BICD1: variants seen among roughly 807,000 people sequenced by gnomAD.
The protein encoded by BICD1 is protein bicaudal D homolog 1.
A neutral mutation model predicts 92.5 loss-of-function variants in BICD1; 35 were observed. That is an observed-to-expected ratio of 0.38 (90% CI 0.29 to 0.50). The LOEUF (loss-of-function observed/expected upper bound fraction) is 0.50. Among genes scored for constraint, BICD1 ranks in the 20% least tolerant of loss-of-function variants. The pLI is 0.93. For synonymous variants in BICD1, 429 were observed against 465.1 expected (o/e 0.92, Z 1.00); for missense variants, 950 against 1,189.8 (o/e 0.80, Z 2.97).
intron 2 of BICD1, among the ~76,000 whole-genome samples, chr12:32,219,177 C>G (rs748615749): frequency 2.0e-5 from 3 of 152,124 alleles, no homozygotes; most frequent in Admixed American, 1.3e-4. Context: ...GATGCTGTGT[C>G]TCTAAGAACT....
intron 1 of BICD1, among the ~76,000 whole-genome samples, chr12:32,145,927 C>G (rs1565545825): frequency 6.6e-6 from 1 of 152,142 alleles, no homozygotes; most frequent in Non-Finnish European, 1.5e-5. Flanking sequence ...CAAGTGTTTA[C>G]TGAGCATCTA....
intron 8 of BICD1, among the ~76,000 whole-genome samples, chr12:32,349,064 T>C (rs1938757650): frequency 6.6e-6 from 1 of 152,098 alleles, no homozygotes; most frequent in Non-Finnish European, 1.5e-5. Context: ...AGTTGGGTGC[T>C]GAACAATCTA....
intron 8 of BICD1, among the ~76,000 whole-genome samples, chr12:32,366,746 A>AT (rs1939538596): frequency 6.6e-6 from 1 of 152,242 alleles, no homozygotes; most frequent in Admixed American, 6.5e-5. Flanking sequence ...TTTAAGAATA[A>AT]TTTTTAAGTT....
intron 2 of BICD1, among the ~76,000 whole-genome samples, chr12:32,274,925 T>C (rs1439697676): frequency 6.6e-6 from 1 of 152,206 alleles, no homozygotes; most frequent in Non-Finnish European, 1.5e-5. Flanking sequence ...AGGATTGCTA[T>C]GTAGGCTAAA....
chr12:32,306,847 G>A (rs936006126), intron 4 of BICD1, among the ~76,000 whole-genome samples: 1 of 151,270 alleles, frequency 6.6e-6, no homozygotes, highest in Non-Finnish European at 1.5e-5. Flanking sequence ...AAACCCCATC[G>A]CTACTAAAAA....
intron 2 of BICD1, among the ~76,000 whole-genome samples, chr12:32,219,454 G>A (rs527844970): frequency 3.9e-5 from 6 of 152,054 alleles, no homozygotes; most frequent in Non-Finnish European, 7.4e-5. Context: ...TTAAATTCAT[G>A]ATATTTGTAA....
At position 32,210,859 on chromosome 12, in the gene BICD1, T is replaced by C. The variant is rs115300343; in HGVS notation, c.214-5388T>C. Among the ~76,000 whole-genome samples, 1,084 of 152,358 alleles carry C rather than the reference T, an allele frequency of 7.1e-3. 13 individuals carry two copies. Among genetic ancestry groups the C allele is most frequent in the African/African-American group, 0.025 (1,048 of 41,588 alleles). On this transcript the variant is annotated intron_variant, in intron 1 of 9. Transcript: ENST00000652176. ...CTAGTTTTGTGATTTCAGCCAAAGATGCAGCTTCAGTAACCTTGAAAAACA... is the reference window on the plus strand; with the variant it reads ...CTAGTTTTGTGATTTCAGCCAAAGACGCAGCTTCAGTAACCTTGAAAAACA...
intron 2 of BICD1, among the ~76,000 whole-genome samples, chr12:32,245,429 A>G (rs1169270082): frequency 6.6e-6 from 1 of 152,156 alleles, no homozygotes; most frequent in Admixed American, 6.5e-5. Flanking sequence ...TATTTGGAAC[A>G]CAAGCTGTTT....
intron 3 of BICD1, among the ~76,000 whole-genome samples, chr12:32,300,094 G>A (rs1353900973): frequency 1.3e-5 from 2 of 151,936 alleles, no homozygotes; most frequent in Non-Finnish European, 2.9e-5. Context: ...GATTTGCTCC[G>A]GAGGACATAC....
intron 2 of BICD1, among the ~76,000 whole-genome samples, chr12:32,249,945 G>A (rs1946484979): frequency 6.6e-6 from 1 of 151,496 alleles, no homozygotes; most frequent in East Asian, 1.9e-4. Context: ...TGGCATACCA[G>A]ATCATTTTGA....
intron 1 of BICD1, among the ~76,000 whole-genome samples, chr12:32,127,015 G>A (rs1172021890): frequency 6.6e-6 from 1 of 152,006 alleles, no homozygotes; most frequent in Non-Finnish European, 1.5e-5. Context: ...TTCCTGATTT[G>A]TAAGAGTATA....
intron 1 of BICD1, among the ~76,000 whole-genome samples, chr12:32,208,423 G>T (rs1481330369): frequency 6.6e-6 from 1 of 152,314 alleles, no homozygotes; most frequent in East Asian, 1.9e-4. Context: ...TGAAAAAATG[G>T]AGTCACAGAA....
intron 8 of BICD1, among the ~76,000 whole-genome samples, chr12:32,344,468 C>A (rs1938494331): frequency 6.6e-6 from 1 of 152,066 alleles, no homozygotes; most frequent in African/African-American, 2.4e-5. Flanking sequence ...ATAAAATCAC[C>A]CTGATGACAA....
intron 2 of BICD1, among the ~76,000 whole-genome samples, chr12:32,232,513 G>A (rs10844156): frequency 0.41 from 57,545 of 140,550 alleles, 12,108 homozygotes; most frequent in Non-Finnish European, 0.47. Flanking sequence ...AGTAGGTTGC[G>A]AAAATTTTCT....
chr12:32,119,558 T>C (rs1022864403), intron 1 of BICD1, among the ~76,000 whole-genome samples: 3 of 152,148 alleles, frequency 2.0e-5, no homozygotes, highest in Admixed American at 1.3e-4. Flanking sequence ...AATGACCCCA[T>C]GGGCGTAGAA....
intron 1 of BICD1, among the ~76,000 whole-genome samples, chr12:32,183,709 G>A (rs1274183477): frequency 6.6e-6 from 1 of 152,214 alleles, no homozygotes; most frequent in Non-Finnish European, 1.5e-5. Context: ...ACCTGAGGAT[G>A]ACCCTGTAGC....
In BICD1 at chr12:32,334,537, A is replaced by G; in HGVS notation, c.2122A>G (p.Asn708Asp). The change falls in exon 6 of 10, where the codon AAT becomes GAT. Residue 708 changes from asparagine (N) to aspartate (D), a missense_variant. Asn to Asp is a conservative substitution (Grantham distance 23). Transcript: ENST00000652176. ...TTAGACAGCTGAGGTGGCGCTAGCT[A>G]ATCTCAAGAACAAATATGAAAATGA... ...NKQTAEVALA[N>D]LKNKYENEKA... The G allele has an allele frequency of 6.2e-7, 1 of 1,610,288 alleles. No homozygotes were observed. The highest frequency in any genetic ancestry group is 8.5e-7 in the Non-Finnish European group (1 of 1,178,298).
intron 2 of BICD1, among the ~76,000 whole-genome samples, chr12:32,277,976 G>A (rs1418941391): frequency 6.6e-6 from 1 of 152,110 alleles, no homozygotes; most frequent in African/African-American, 2.4e-5. Flanking sequence ...TATGTAGTGT[G>A]TTCCCATGGT....
At chr12:32,281,264 C>CT (rs1302224472) in intron 2 of BICD1, among the ~76,000 whole-genome samples, 1 of 152,082 alleles carries the variant, frequency 6.6e-6, no homozygotes, top group Non-Finnish European at 1.5e-5. Flanking sequence ...GCTACATTTA[C>CT]TTTTTCCTGG....
Sources: gnomAD v4.1 joint callset for allele counts (sites outside exome capture counted in the v4.1 genomes callset) on GRCh38, gnomAD v4.1.1 for gene constraint, MANE v1.5 for transcripts, NCBI Gene and HGNC (gene_info 2026-07-23, HGNC 2026-07-21) for gene names.